The following ACTG2 variants were observed in gnomAD, a reference collection of about 807,000 sequenced individuals.
The protein encoded by ACTG2 is actin gamma 2, smooth muscle.
In ACTG2, 16 loss-of-function variants were observed where a neutral mutation model predicts 37.6. The observed-to-expected ratio is 0.43, with a 90% CI of 0.29 to 0.65. The LOEUF is 0.65. Among genes scored for constraint, ACTG2 ranks in the 30% least tolerant of loss-of-function variants. ACTG2 has a pLI of 0.18. For synonymous variants in ACTG2, 181 were observed against 179.9 expected (o/e 1.01, Z -0.05); for missense variants, 238 against 490.9 (o/e 0.48, Z 4.87).
chr2:73,903,992 C>T (rs1679951287), intron 3 of ACTG2, among the ~76,000 whole-genome samples: 1 of 147,522 alleles, frequency 6.8e-6, no homozygotes, highest in South Asian at 2.1e-4. Flanking sequence ...AGGCCAGTGG[C>T]TCATGCCTGT....
chr2:73,895,849 G>C (rs1264354303), intron 1 of ACTG2, among the ~76,000 whole-genome samples: 1 of 152,164 alleles, frequency 6.6e-6, no homozygotes, highest in Non-Finnish European at 1.5e-5. Flanking sequence ...AATATTTTAG[G>C]CTTTCGGAGC....
At chr2:73,910,455 C>A (rs1468651698) in intron 5 of ACTG2, among the ~76,000 whole-genome samples, 1 of 118,094 alleles carries the variant, frequency 8.5e-6, no homozygotes, top group Non-Finnish European at 1.7e-5. Context: ...CAACCTCTGT[C>A]TCCCACGTTC....
At chr2:73,918,258 A>G (rs1244234565) in intron 8 of ACTG2, among the ~76,000 whole-genome samples, 4 of 152,140 alleles carry the variant, frequency 2.6e-5, no homozygotes, top group Non-Finnish European at 5.9e-5. Context: ...ACACAGAAGA[A>G]CAGATTTGGG....
chr2:73,896,922 C>G (rs1679759104), intron 1 of ACTG2: 1 of 152,302 alleles, frequency 6.6e-6, no homozygotes, highest in Non-Finnish European at 1.5e-5. Context: ...TCGAGTCTAG[C>G]CACAAATTAC....
chr2:73,915,938 G>A (rs1044827215), intron 7 of ACTG2, among the ~76,000 whole-genome samples: 1 of 152,050 alleles, frequency 6.6e-6, no homozygotes, highest in Admixed American at 6.5e-5. Flanking sequence ...TCTTTTGAAG[G>A]TATTTAAAAT....
intron 5 of ACTG2, 37 bp downstream of exon 5, chr2:73,909,176 A>C (rs370727558): frequency 5.1e-6 from 8 of 1,570,308 alleles, no homozygotes; most frequent in African/African-American, 1.4e-5. Context: ...TTCTGACTTC[A>C]GGGGAGGTAG....
intron 7 of ACTG2, among the ~76,000 whole-genome samples, chr2:73,915,519 CAAAAAA>C (rs11404848): frequency 1.7e-5 from 2 of 117,574 alleles, no homozygotes; most frequent in African/African-American, 6.7e-5. Context: ...GATTCTGTCT[CAAAAAA>C]AAAAAAAAAA....
chr2:73,896,727 G>C (rs562160584), intron 1 of ACTG2: 1 of 152,150 alleles, frequency 6.6e-6, no homozygotes, highest in Non-Finnish European at 1.5e-5. Context: ...TTATGTCTTT[G>C]GTTTCTGGCC....
At position 73,919,602 on chromosome 2, in the gene ACTG2, C is replaced by T; in HGVS notation, c.*27C>T. 6.2e-6 allele frequency: 10 copies of T among 1,609,222 alleles called. No homozygotes were observed. Among genetic ancestry groups the T allele is most frequent in the Non-Finnish European group, 4.2e-6 (5 of 1,177,254 alleles). ...GTCAGAACAGGTTCTCCAAGGATCC[C>T]CTCGAGACTACTCTGTTACCAGTCA... On this transcript the variant is annotated 3_prime_UTR_variant, in exon 9 of 9. Transcript: ENST00000345517.
At chr2:73,903,619 A>T (rs2104808882) in intron 3 of ACTG2, among the ~76,000 whole-genome samples, 1 of 152,326 alleles carries the variant, frequency 6.6e-6, no homozygotes, top group African/African-American at 2.4e-5. Context: ...GACACATATG[A>T]TTCATATATA....
intron 3 of ACTG2, chr2:73,902,861 C>G: frequency 8.2e-7 from 1 of 1,214,444 alleles, no homozygotes; most frequent in Admixed American, 2.5e-5. Context: ...ATTGGAGGAC[C>G]TTTCCCTGCC....
intron 3 of ACTG2, among the ~76,000 whole-genome samples, chr2:73,904,814 T>TATATATATAA (rs1679985080): frequency 7.6e-6 from 1 of 131,962 alleles, no homozygotes; most frequent in Non-Finnish European, 1.6e-5. Flanking sequence ...TATATATATA[T>TATATATATAA]AATCTTGTGT....
At chr2:73,912,853 G>A (rs997946433) in intron 5 of ACTG2, among the ~76,000 whole-genome samples, 10 of 152,152 alleles carry the variant, frequency 6.6e-5, no homozygotes, top group South Asian at 2.1e-4. Flanking sequence ...TTTCTCATCC[G>A]TTATGATGTG....
intron 5 of ACTG2, among the ~76,000 whole-genome samples, chr2:73,909,950 C>T (rs1475930195): frequency 6.6e-6 from 1 of 152,178 alleles, no homozygotes; most frequent in African/African-American, 2.4e-5. Flanking sequence ...CACAGTGGCT[C>T]ACACCTGAAA....
intron 3 of ACTG2, chr2:73,908,284 T>C: frequency 2.1e-6 from 1 of 472,018 alleles, no homozygotes. Context: ...CCCTCCTACT[T>C]TCCAGCCTCT....
rs990436420 is a variant in ACTG2, at chr2:73,919,831, G to A, written c.*256G>A. On this transcript the variant is annotated 3_prime_UTR_variant, in exon 9 of 9. Coordinates refer to ENST00000345517, the MANE Select transcript of ACTG2 (RefSeq NM_001615.4). ...GTCAAGGACTTGCGAAGATCACACA[G>A]ATTCCAGATTAAAATTCAAGTATCT... is the stretch of plus-strand genomic sequence containing the variant. The A allele has an allele frequency of 9.5e-6, 3 of 315,358 alleles. No individual in the cohort carries two copies. Among genetic ancestry groups the A allele is most frequent in the Non-Finnish European group, 1.7e-5 (3 of 173,866 alleles). 19.5% of individuals were successfully genotyped at this position (315,358 alleles called of 1,614,324 possible).
rs1052224866 is a variant in ACTG2, at chr2:73,893,014, G to A, written c.-74G>A. ...TGGTATTCATGCCAAAGACACACCA[G>A]CCCTCAGTCACTGGGAGAAGAACCT... On this transcript the variant is annotated 5_prime_UTR_variant, in exon 1 of 9. Transcript: ENST00000345517. 2.0e-5 allele frequency: 3 copies of A among 152,252 alleles called. No homozygotes were observed. Among genetic ancestry groups the A allele is most frequent in the Admixed American group, 6.5e-5 (1 of 15,282 alleles). The allele number at this position is 152,252 out of a possible 1,614,324, so 9.4% of individuals were successfully genotyped here.
At chr2:73,911,528 C>T (rs1680139727) in intron 5 of ACTG2, among the ~76,000 whole-genome samples, 1 of 151,994 alleles carries the variant, frequency 6.6e-6, no homozygotes, top group Non-Finnish European at 1.5e-5. Context: ...AATACATAAG[C>T]CAGTACTAGT....
intron 7 of ACTG2, 86 bp downstream of exon 7, chr2:73,914,957 C>A: frequency 8.4e-7 from 1 of 1,196,114 alleles, no homozygotes; most frequent in South Asian, 3.1e-5. Context: ...CACCAGGAGT[C>A]ATGGCCACTT....
Sources: gnomAD v4.1 joint callset for allele counts (sites outside exome capture counted in the v4.1 genomes callset) on GRCh38, gnomAD v4.1.1 for gene constraint, MANE v1.5 for transcripts, NCBI Gene and HGNC (gene_info 2026-07-23, HGNC 2026-07-21) for gene names.